Variants in ADAMTS20 observed in about 807,000 individuals in gnomAD.
The protein encoded by ADAMTS20 is A disintegrin and metalloproteinase with thrombospondin motifs 20.
In ADAMTS20, 225 loss-of-function variants were observed where a neutral mutation model predicts 260.1. The observed-to-expected ratio is 0.87, with a 90% CI of 0.78 to 0.97. The LOEUF (loss-of-function observed/expected upper bound fraction) is 0.97, where lower values mean the gene tolerates loss of function less well. ADAMTS20 is among the 50% of genes least tolerant of loss of function. ADAMTS20 has a pLI of 0.00. For synonymous variants in ADAMTS20, 802 were observed against 769.5 expected (o/e 1.04, Z -0.70); for missense variants, 2,400 against 2,337.7 (o/e 1.03, Z -0.55).
chr12:43,464,271 T>A (rs920876633), intron 10 of ADAMTS20, among the ~76,000 whole-genome samples: 2 of 152,086 alleles, frequency 1.3e-5, no homozygotes, highest in African/African-American at 4.8e-5. Flanking sequence ...CTCCTTAACC[T>A]CAAAATAATA....
chr12:43,461,969 T>C (rs983744169), intron 11 of ADAMTS20, among the ~76,000 whole-genome samples: 2 of 152,216 alleles, frequency 1.3e-5, no homozygotes, highest in Non-Finnish European at 2.9e-5. Context: ...AAACTTGAAG[T>C]TCCAAATAAT....
chr12:43,419,393 T>C (rs1435741604), intron 28 of ADAMTS20, among the ~76,000 whole-genome samples: 2 of 152,116 alleles, frequency 1.3e-5, no homozygotes, highest in African/African-American at 4.8e-5. Context: ...AGTATGATTT[T>C]CTCAAACTAT....
At chr12:43,543,791 C>T (rs916851852) in intron 2 of ADAMTS20, among the ~76,000 whole-genome samples, 1 of 152,098 alleles carries the variant, frequency 6.6e-6, no homozygotes, top group African/African-American at 2.4e-5. Context: ...GTCTTTTTTA[C>T]ATCTAGGTAG....
At chr12:43,521,958 G>C (rs1943077805) in intron 3 of ADAMTS20, among the ~76,000 whole-genome samples, 1 of 152,088 alleles carries the variant, frequency 6.6e-6, no homozygotes, top group Admixed American at 6.5e-5. Flanking sequence ...GGTACTCAAA[G>C]ACTATAAGAA....
chr12:43,480,993 G>T (rs760793524), intron 7 of ADAMTS20, among the ~76,000 whole-genome samples: 1 of 152,002 alleles, frequency 6.6e-6, no homozygotes, highest in African/African-American at 2.4e-5. Flanking sequence ...AAGATAATAG[G>T]TTTGTTAATT....
At chr12:43,482,305 A>C (rs546591895) in intron 7 of ADAMTS20, among the ~76,000 whole-genome samples, 11 of 152,196 alleles carry the variant, frequency 7.2e-5, no homozygotes, top group Non-Finnish European at 1.2e-4. Context: ...CCACGGGGGC[A>C]GGAGCTGGAC....
intron 7 of ADAMTS20, among the ~76,000 whole-genome samples, chr12:43,479,129 T>C (rs955913256): frequency 1.3e-5 from 2 of 152,222 alleles, no homozygotes; most frequent in African/African-American, 4.8e-5. Context: ...ACACCAACTC[T>C]ATTTTTTCTT....
At chr12:43,522,308 C>T (rs1196529319) in intron 3 of ADAMTS20, among the ~76,000 whole-genome samples, 1 of 152,184 alleles carries the variant, frequency 6.6e-6, no homozygotes, top group Non-Finnish European at 1.5e-5. Context: ...AGGGAAGCCA[C>T]TTCCATGATC....
At position 43,432,666 on chromosome 12, in the gene ADAMTS20, G is replaced by C; in HGVS notation, c.2866C>G (p.Pro956Ala). The change falls in exon 20 of 39, where the codon CCT (proline) becomes GCT (alanine). Residue 956 changes from proline to alanine, a missense_variant. Physicochemically the swap from Pro to Ala is conservative, Grantham distance 27. Transcript: ENST00000389420. ...DHYCGDQLKP[P>A]TQELCHGNCV... ...TTACCATGGCATAGTTCTTGGGTAG[G>C]AGGTTTAAGCTGGTCACCACAGTAG... The C allele has an allele frequency of 6.2e-7, 1 of 1,613,886 alleles. No homozygotes were observed.
chr12:43,450,183 A>G (rs560888025), intron 14 of ADAMTS20, among the ~76,000 whole-genome samples: 201 of 118,400 alleles, frequency 1.7e-3, no homozygotes, highest in African/African-American at 5.3e-3. Flanking sequence ...TTAAAAATGA[A>G]TGAATAAATG....
chr12:43,438,469 T>C lies in ADAMTS20; in HGVS notation c.2593+1153A>G, dbSNP rs1009496736. 2.6e-5 allele frequency among the ~76,000 whole-genome samples: 4 copies of C among 152,206 alleles called. 1 individual carries two copies. Among genetic ancestry groups the C allele is most frequent in the Non-Finnish European group, 5.9e-5 (4 of 68,028 alleles). ...TTTCTACCTCTATTATCCCCGTCTA[T>C]CTTGCATCATTTCCTTGTATCCCTC... is the stretch of plus-strand genomic sequence containing the variant. On this transcript the variant is annotated intron_variant, in intron 18 of 38. Transcript: ENST00000389420.
chr12:43,370,533 GTCAGT>G (rs1308217694), intron 36 of ADAMTS20, among the ~76,000 whole-genome samples: 1 of 152,144 alleles, frequency 6.6e-6, no homozygotes, highest in Non-Finnish European at 1.5e-5. Context: ...CCAAAAGCAT[GTCAGT>G]CAACAGCCAG....
At chr12:43,496,906 C>T (rs1942685662) in intron 4 of ADAMTS20, among the ~76,000 whole-genome samples, 1 of 152,068 alleles carries the variant, frequency 6.6e-6, no homozygotes, top group South Asian at 2.1e-4. Context: ...TTTCATGCAA[C>T]TATATGACCG....
chr12:43,463,301 T>G (rs1942097904), intron 10 of ADAMTS20, among the ~76,000 whole-genome samples: 1 of 152,200 alleles, frequency 6.6e-6, no homozygotes, highest in Admixed American at 6.5e-5. Context: ...ACAAGATATC[T>G]TTCTAAAGAA....
At chr12:43,536,162 T>A (rs1359985037) in intron 2 of ADAMTS20, among the ~76,000 whole-genome samples, 1 of 152,128 alleles carries the variant, frequency 6.6e-6, no homozygotes, top group Non-Finnish European at 1.5e-5. Flanking sequence ...TATATCATTA[T>A]CCCCACTTTA....
intron 9 of ADAMTS20, 33 bp from the exon 10 acceptor site, chr12:43,464,765 A>G (rs748355611): frequency 6.3e-7 from 1 of 1,588,170 alleles, no homozygotes; most frequent in Admixed American, 1.8e-5. Context: ...AATATTGTGA[A>G]TACACATGGA....
chr12:43,366,557 T>A (rs147016922), intron 37 of ADAMTS20, among the ~76,000 whole-genome samples: 254 of 151,998 alleles, frequency 1.7e-3, no homozygotes, highest in African/African-American at 5.7e-3. Context: ...AAACTATATG[T>A]TATGACATAA....
At chr12:43,354,587 C>T (rs909077876) in intron 38 of ADAMTS20, among the ~76,000 whole-genome samples, 10 of 152,096 alleles carry the variant, frequency 6.6e-5, no homozygotes, top group African/African-American at 2.4e-4. Context: ...ATATTTCAAT[C>T]TCAATCCACA....
intron 4 of ADAMTS20, 96 bp from the exon 5 acceptor site, chr12:43,493,349 C>T (rs1489669093): frequency 7.2e-6 from 6 of 831,342 alleles, no homozygotes; most frequent in East Asian, 5.4e-5. Context: ...TCTCTAATTG[C>T]ACTGCACGTA....
Sources: allele counts gnomAD v4.1 joint callset (sites outside exome capture counted in the v4.1 genomes callset), GRCh38; gene constraint gnomAD v4.1.1; transcripts MANE v1.5; gene names NCBI Gene and HGNC (gene_info 2026-07-23, HGNC 2026-07-21).